Variants in ZNF608 observed in about 807,000 individuals in gnomAD.
ZNF608 encodes the protein renal carcinoma antigen NY-REN-36.
In ZNF608, 12 loss-of-function variants were observed where a neutral mutation model predicts 109.0. That is an observed-to-expected ratio of 0.11 (90% CI 0.07 to 0.18). The LOEUF is 0.18. ZNF608 is among the 10% of genes least tolerant of loss of function. The pLI is 1.00. For synonymous variants in ZNF608, 732 were observed against 717.4 expected (o/e 1.02, Z -0.33); for missense variants, 1,707 against 1,879.3 (o/e 0.91, Z 1.70).
At chr5:124,720,261 G>A (rs1189900304) in intron 2 of ZNF608, among the ~76,000 whole-genome samples, 1 of 152,184 alleles carries the variant, frequency 6.6e-6, no homozygotes, top group East Asian at 1.9e-4. Context: ...CCTAGGCTTT[G>A]TTGATACTGT....
At chr5:124,675,380 A>C (rs1413339095) in intron 3 of ZNF608, among the ~76,000 whole-genome samples, 2 of 152,220 alleles carry the variant, frequency 1.3e-5, no homozygotes, top group Non-Finnish European at 2.9e-5. Context: ...AACCTAACTG[A>C]TCCTTTTCTA....
chr5:124,693,935 T>C (rs1030673647), intron 3 of ZNF608, among the ~76,000 whole-genome samples: 1 of 149,820 alleles, frequency 6.7e-6, no homozygotes, highest in Non-Finnish European at 1.5e-5. Context: ...TTTTTTTACC[T>C]TCTGTATTTT....
Position 124,746,416 on chromosome 5 carries a change from T to C in ZNF608, c.-405A>G. 1 of 985,310 alleles carries C rather than the reference T, an allele frequency of 1.0e-6. No homozygotes were observed. The highest frequency in any genetic ancestry group is 1.2e-6 in the Non-Finnish European group (1 of 829,906). The allele number at this position is 985,310 out of a possible 1,614,324, so 61.0% of individuals were successfully genotyped here. A position where few individuals can be genotyped will look rare whatever the true frequency, so the allele number is the denominator to read the frequency against. On this transcript the variant is annotated 5_prime_UTR_variant, in exon 1 of 10. Transcript: ENST00000513986. ...TCAGTCCTTTTCTCCTTAAAAAAAA[T>C]GTGTCACTGTACAGCTGGAAAATAA...
At chr5:124,733,696 A>T (rs1003868733) in intron 2 of ZNF608, among the ~76,000 whole-genome samples, 3 of 152,160 alleles carry the variant, frequency 2.0e-5, no homozygotes, top group African/African-American at 7.2e-5. Flanking sequence ...GGTCTCTGCA[A>T]TCTGAAGGCC....
At chr5:124,746,159 TACAC>T in intron 1 of ZNF608, 32 bp downstream of exon 1, 1 of 984,874 alleles carries the variant, frequency 1.0e-6, no homozygotes, top group South Asian at 4.7e-5. Flanking sequence ...TAAATATACA[TACAC>T]ACACACATAC....
chr5:124,676,432 C>T (rs1029681988), intron 3 of ZNF608, among the ~76,000 whole-genome samples: 3 of 152,098 alleles, frequency 2.0e-5, no homozygotes, highest in East Asian at 1.9e-4. Context: ...TTATCTAGAC[C>T]GCTATTAAGA....
intron 3 of ZNF608, among the ~76,000 whole-genome samples, chr5:124,672,140 T>A (rs1165872772): frequency 6.6e-6 from 1 of 152,238 alleles, no homozygotes; most frequent in Non-Finnish European, 1.5e-5. Flanking sequence ...TAAACTTGAT[T>A]TAACTCTCTC....
At chr5:124,700,875 C>T in intron 3 of ZNF608, 139 bp downstream of exon 3, 5 of 1,200,114 alleles carry the variant, frequency 4.2e-6, no homozygotes, top group Non-Finnish European at 5.7e-6. Context: ...TTACTTCCAA[C>T]ACAAATCCAG....
intron 7 of ZNF608, among the ~76,000 whole-genome samples, chr5:124,641,625 G>C (rs1239877290): frequency 6.6e-6 from 1 of 152,106 alleles, no homozygotes; most frequent in Non-Finnish European, 1.5e-5. Context: ...AGTAAACCAA[G>C]TGACACCAAT....
At chr5:124,643,771 CAA>C in intron 6 of ZNF608, 88 bp from the exon 7 acceptor site, 1 of 1,346,474 alleles carries the variant, frequency 7.4e-7, no homozygotes, top group East Asian at 2.4e-5. Flanking sequence ...GGATAAGAGT[CAA>C]AGAGATCTTA....
At chr5:124,698,580 G>T (rs945280533) in intron 3 of ZNF608, among the ~76,000 whole-genome samples, 14 of 152,296 alleles carry the variant, frequency 9.2e-5, no homozygotes, top group Non-Finnish European at 1.6e-4. Flanking sequence ...TCACAGAAAT[G>T]GATGGAACAG....
intron 3 of ZNF608, among the ~76,000 whole-genome samples, chr5:124,693,972 A>ATTTTTTTTTTTTTTTTT (rs1561564262): frequency 6.4e-4 from 15 of 23,296 alleles, no homozygotes; most frequent in Non-Finnish European, 8.9e-4. Context: ...CATTTCATTA[A>ATTTTTTTTTTTTTTTTT]TCTTTTTTTT....
intron 2 of ZNF608, among the ~76,000 whole-genome samples, chr5:124,731,656 T>G (rs1289441013): frequency 2.0e-5 from 3 of 151,776 alleles, no homozygotes; most frequent in African/African-American, 4.8e-5. Flanking sequence ...TGAAACCCCA[T>G]CTCAACTAAA....
Position 124,721,156 on chromosome 5 carries a change from T to C in ZNF608, c.907-19887A>G, listed in dbSNP as rs1753886365. ...ACCAAACTGGGGAAACCAGGTGCAA[T>C]ATAACTGATTATACAGATGACAATA... is the stretch of plus-strand genomic sequence containing the variant. On this transcript the variant is annotated intron_variant, in intron 2 of 9. Transcript: ENST00000513986. Among the ~76,000 whole-genome samples, 5 of 152,134 alleles carry C rather than the reference T, an allele frequency of 3.3e-5. No individual in the cohort carries two copies. In the South Asian group the frequency reaches 1.0e-3, roughly 31 times the overall value.
At chr5:124,699,237 G>A (rs987526233) in intron 3 of ZNF608, among the ~76,000 whole-genome samples, 3 of 152,076 alleles carry the variant, frequency 2.0e-5, no homozygotes, top group Middle Eastern at 3.2e-3. Context: ...TTCCCTTAGA[G>A]AAAATCTAAG....
intron 3 of ZNF608, among the ~76,000 whole-genome samples, chr5:124,676,012 AGGCCTGCTGGCAGCAAGGAGATG>A (rs1409280256): frequency 1.3e-5 from 2 of 152,140 alleles, no homozygotes; most frequent in East Asian, 3.9e-4. Flanking sequence ...GGCCACACAA[AGGCCTGCTGGCAGCAAGGAGATG>A]GGCTGCAGAA....
intron 3 of ZNF608, among the ~76,000 whole-genome samples, chr5:124,659,968 G>T (rs994021940): frequency 6.6e-6 from 1 of 152,024 alleles, no homozygotes; most frequent in Non-Finnish European, 1.5e-5. Flanking sequence ...TAGCTATACC[G>T]GGCCCAGGAG....
At chr5:124,719,118 C>T (rs1580690076) in intron 2 of ZNF608, among the ~76,000 whole-genome samples, 1 of 152,258 alleles carries the variant, frequency 6.6e-6, no homozygotes, top group East Asian at 1.9e-4. Flanking sequence ...GTGCCAAGTG[C>T]TTACATTTTT....
At chr5:124,658,886 C>T (rs1316356126) in intron 3 of ZNF608, among the ~76,000 whole-genome samples, 1 of 152,144 alleles carries the variant, frequency 6.6e-6, no homozygotes, top group Non-Finnish European at 1.5e-5. Flanking sequence ...TGAACTAGGC[C>T]TACTATGAGC....
Sources: gnomAD v4.1 joint callset for allele counts (sites outside exome capture counted in the v4.1 genomes callset) on GRCh38, gnomAD v4.1.1 for gene constraint, MANE v1.5 for transcripts, NCBI Gene and HGNC (gene_info 2026-07-23, HGNC 2026-07-21) for gene names.